POLR1D: variants seen among roughly 807,000 people sequenced by gnomAD.
POLR1D encodes DNA-directed RNA polymerases I and III subunit RPAC2.
POLR1D carries 8 observed loss-of-function variants against 10.8 expected under a neutral mutation model. The observed-to-expected ratio is 0.74, with a 90% CI of 0.43 to 1.33. The LOEUF (loss-of-function observed/expected upper bound fraction) is 1.33. Ranked by LOEUF, POLR1D falls within the 40% of genes most tolerant of loss-of-function variation. The pLI, the probability that POLR1D is intolerant of heterozygous loss-of-function variation, is 0.01. For missense variants in POLR1D, 152 were observed against 161.7 expected (o/e 0.94, Z 0.32); for synonymous variants, 54 against 57.2 (o/e 0.94, Z 0.25).
downstream of POLR1D, among the ~76,000 whole-genome samples, chr13:27,624,593 A>G (rs1362855975): frequency 6.6e-6 from 1 of 152,128 alleles, no homozygotes; most frequent in African/African-American, 2.4e-5. Flanking sequence ...AGCATGTGTT[A>G]TAAGAGCCCC....
intron 1 of POLR1D, chr13:27,648,110 C>A (rs1956236259): frequency 6.9e-6 from 2 of 287,818 alleles, no homozygotes; most frequent in East Asian, 1.6e-4. Flanking sequence ...AAAGATAATT[C>A]TTATATTAAG....
At chr13:27,632,553 A>G (rs1017490484) in intron 1 of POLR1D, among the ~76,000 whole-genome samples, 1 of 152,184 alleles carries the variant, frequency 6.6e-6, no homozygotes, top group Admixed American at 6.5e-5. Context: ...CAGAGTTTGC[A>G]ATCCGACTAG....
Position 27,622,010 on chromosome 13 carries a change from G to T in POLR1D, c.26+1G>T. 6.3e-7 allele frequency: 1 copy of T among 1,589,032 alleles called. No individual in the cohort carries two copies. The highest frequency in any genetic ancestry group is 8.6e-7 in the Non-Finnish European group (1 of 1,168,088). ...TGGAAGAGGATCAGGAGCTGGAGAG[G>T]TAACGGCCGAGGAGGAGGCGGGCGG... On this transcript the variant is annotated splice_donor_variant, in intron 1 of 1. Coordinates refer to ENST00000302979, the MANE Select transcript of POLR1D (RefSeq NM_015972.4). LOFTEE classifies it high-confidence loss of function.
At chr13:27,629,802 G>A (rs998027685) in intron 1 of POLR1D, among the ~76,000 whole-genome samples, 44 of 152,248 alleles carry the variant, frequency 2.9e-4, no homozygotes, top group Admixed American at 9.8e-4. Context: ...AAGTTCTGTA[G>A]CAGATGGGTA....
intron 1 of POLR1D, among the ~76,000 whole-genome samples, chr13:27,634,993 G>A (rs1159207610): frequency 1.3e-5 from 2 of 152,030 alleles, no homozygotes; most frequent in South Asian, 2.1e-4. Context: ...TTTAATGGGC[G>A]TGATGTTGTC....
intron 1 of POLR1D, 149 bp downstream of exon 1, chr13:27,622,158 G>A (rs1955943604): frequency 1.4e-6 from 1 of 712,438 alleles, no homozygotes; most frequent in Non-Finnish European, 2.5e-6. Context: ...ACATGAATGT[G>A]TTTCAGTTGA....
intron 1 of POLR1D, among the ~76,000 whole-genome samples, chr13:27,645,266 C>A (rs1452161011): frequency 6.6e-6 from 1 of 151,884 alleles, no homozygotes; most frequent in African/African-American, 2.4e-5. Context: ...CTTTTTTTTC[C>A]CCATTTAGTT....
At chr13:27,649,706 A>G (rs1956249818) in intron 2 of POLR1D, among the ~76,000 whole-genome samples, 1 of 152,196 alleles carries the variant, frequency 6.6e-6, no homozygotes, top group Non-Finnish European at 1.5e-5. Flanking sequence ...GGGAGAGAGA[A>G]AAGCTTTTTC....
intron 2 of POLR1D, among the ~76,000 whole-genome samples, chr13:27,652,322 A>C (rs1956273642): frequency 6.6e-6 from 1 of 152,228 alleles, no homozygotes; most frequent in Non-Finnish European, 1.5e-5. Context: ...TATCAGTGCT[A>C]GTTCTGCTCT....
At chr13:27,649,946 G>T (rs1218722786) in intron 2 of POLR1D, 5 of 397,388 alleles carry the variant, frequency 1.3e-5, no homozygotes, top group African/African-American at 2.1e-5. Context: ...CCAACCACAA[G>T]TTCAGAGGGT....
downstream of POLR1D, among the ~76,000 whole-genome samples, chr13:27,623,683 A>G (rs1410435279): frequency 6.6e-6 from 1 of 152,098 alleles, no homozygotes; most frequent in African/African-American, 2.4e-5. Flanking sequence ...ACAGAAGGAA[A>G]GAAGATTGGG....
At chr13:27,622,534 C>T in intron 1 of POLR1D, 1 of 319,982 alleles carries the variant, frequency 3.1e-6, no homozygotes, top group Non-Finnish European at 5.8e-6. Context: ...GCCTTTCAAC[C>T]CTCTCTTCAT....
chr13:27,642,721 C>G (rs933932668), intron 1 of POLR1D, among the ~76,000 whole-genome samples: 1 of 152,128 alleles, frequency 6.6e-6, no homozygotes, highest in African/African-American at 2.4e-5. Context: ...AAAAAAATAG[C>G]TATCATATTT....
downstream of POLR1D, among the ~76,000 whole-genome samples, chr13:27,626,375 C>T (rs186568594): frequency 1.1e-4 from 16 of 152,196 alleles, no homozygotes; most frequent in African/African-American, 3.9e-4. Context: ...TTAGACTGAT[C>T]ACGTAGAATG....
At chr13:27,657,090 G>A (rs548912951) in intron 2 of POLR1D, among the ~76,000 whole-genome samples, 3 of 152,194 alleles carry the variant, frequency 2.0e-5, no homozygotes, top group Non-Finnish European at 4.4e-5. Context: ...TGAGCACTAA[G>A]GGGAGCATGA....
In POLR1D at chr13:27,632,538, C is replaced by T. The variant is rs867164575; in HGVS notation, c.26+10529C>T. On this transcript the variant is annotated intron_variant, in intron 1 of 2. Transcript: ENST00000399697. ...AAGACGAATCTCATTTCATGCCTAC[C>T]TTCACAGAGTTTGCAATCCGACTAG... Among the ~76,000 whole-genome samples the T allele has an allele frequency of 5.9e-5, 9 of 152,166 alleles. No homozygotes were observed. In the Middle Eastern group the frequency reaches 0.01, roughly 173 times the overall value.
chr13:27,630,088 T>G (rs549602794), intron 1 of POLR1D, among the ~76,000 whole-genome samples: 1 of 152,122 alleles, frequency 6.6e-6, no homozygotes, highest in Non-Finnish European at 1.5e-5. Context: ...ATTTTTGTAT[T>G]TTTTAGTAGA....
At chr13:27,657,276 TC>T (rs1210121076) in intron 2 of POLR1D, among the ~76,000 whole-genome samples, 2 of 152,180 alleles carry the variant, frequency 1.3e-5, no homozygotes, top group Admixed American at 6.5e-5. Context: ...ACACCAGTAA[TC>T]CTAGCACTTT....
exon 3 of POLR1D, chr13:27,665,905 A>G (rs1482239191): frequency 6.2e-7 from 1 of 1,614,108 alleles, no homozygotes; most frequent in African/African-American, 1.3e-5. Context: ...CCCCGCCACG[A>G]AAGCGGAGCA....
Sources: allele counts gnomAD v4.1 joint callset (sites outside exome capture counted in the v4.1 genomes callset), GRCh38; gene constraint gnomAD v4.1.1; transcripts MANE v1.5; gene names NCBI Gene and HGNC (gene_info 2026-07-23, HGNC 2026-07-21).